Variants in KCNIP4 observed in about 807,000 individuals in gnomAD.
The protein encoded by KCNIP4 is Kv channel-interacting protein 4.
KCNIP4 carries 12 observed loss-of-function variants against 34.0 expected under a neutral mutation model. That is an observed-to-expected ratio of 0.35 (90% confidence interval 0.23 to 0.57). KCNIP4 has a LOEUF of 0.57. Among genes scored for constraint, KCNIP4 ranks in the 20% least tolerant of loss-of-function variants. The pLI, the probability that KCNIP4 is intolerant of heterozygous loss-of-function variation, is 0.83. For synonymous variants in KCNIP4, 124 were observed against 102.2 expected (o/e 1.21, Z -1.29); for missense variants, 238 against 311.7 (o/e 0.76, Z 1.78).
chr4:21,687,368 G>A (rs377364495), intron 1 of KCNIP4, among the ~76,000 whole-genome samples: 12 of 151,622 alleles, frequency 7.9e-5, no homozygotes, highest in African/African-American at 2.7e-4. Flanking sequence ...ACCAACCTGG[G>A]AAAAGATACG....
intron 3 of KCNIP4, among the ~76,000 whole-genome samples, chr4:20,761,385 T>G (rs901948873): frequency 2.6e-5 from 4 of 152,220 alleles, no homozygotes; most frequent in Non-Finnish European, 5.9e-5. Flanking sequence ...CCAAAGGTGG[T>G]ATGTATACAG....
chr4:21,232,794 T>G (rs1378495743), intron 1 of KCNIP4, among the ~76,000 whole-genome samples: 3 of 152,130 alleles, frequency 2.0e-5, no homozygotes, highest in African/African-American at 7.2e-5. Context: ...TTAGCTAAAA[T>G]GCAATATGAT....
In KCNIP4 at chr4:21,940,970, CTTTTA is replaced by C. The variant is rs533526829; in HGVS notation, c.61+7596_61+7600del. Among the ~76,000 whole-genome samples the C allele has an allele frequency of 1.1e-3, 173 of 152,156 alleles. 1 individual carries two copies. Among genetic ancestry groups the C allele is most frequent in the Admixed American group, 3.5e-3 (53 of 15,280 alleles). On this transcript the variant is annotated intron_variant, in intron 1 of 8. Coordinates refer to ENST00000382152, the MANE Select transcript of KCNIP4 (RefSeq NM_025221.6). ...TGCCTTTAGATGTAACTATAAGACA[CTTTTA>C]TTCATGGAGTGAATTACCATATGCA...
chr4:21,437,806 A>C (rs1466752787), intron 1 of KCNIP4, among the ~76,000 whole-genome samples: 2 of 152,020 alleles, frequency 1.3e-5, no homozygotes, highest in Non-Finnish European at 2.9e-5. Flanking sequence ...GTTTTAATTA[A>C]AGCTGCAGTG....
intron 3 of KCNIP4, among the ~76,000 whole-genome samples, chr4:20,823,945 T>C (rs574402324): frequency 6.6e-6 from 1 of 152,280 alleles, no homozygotes; most frequent in East Asian, 1.9e-4. Context: ...GCTAAGAATA[T>C]GGCTTCTGGG....
intron 5 of KCNIP4, among the ~76,000 whole-genome samples, chr4:20,735,790 C>T (rs958175167): frequency 6.6e-6 from 1 of 152,122 alleles, no homozygotes; most frequent in African/African-American, 2.4e-5. Context: ...CCACCGCCGC[C>T]TCTCAAAGTG....
chr4:20,741,409 T>TAA (rs1404556222), intron 5 of KCNIP4, among the ~76,000 whole-genome samples: 3 of 151,258 alleles, frequency 2.0e-5, no homozygotes, highest in Non-Finnish European at 4.4e-5. Context: ...AACTCAAGAT[T>TAA]GAAACTCACT....
chr4:20,984,494 G>T (rs959866690), intron 1 of KCNIP4, among the ~76,000 whole-genome samples: 1 of 152,152 alleles, frequency 6.6e-6, no homozygotes, highest in African/African-American at 2.4e-5. Context: ...AGTTCTGGTG[G>T]CTGGTGCCTA....
chr4:21,734,450 TG>T (rs1425825330), intron 1 of KCNIP4, among the ~76,000 whole-genome samples: 1 of 152,164 alleles, frequency 6.6e-6, no homozygotes, highest in African/African-American at 2.4e-5. Flanking sequence ...CTCACTGAAA[TG>T]GAAAATATAT....
chr4:20,752,051 T>C (rs1753732688), intron 4 of KCNIP4, among the ~76,000 whole-genome samples: 1 of 125,868 alleles, frequency 7.9e-6, no homozygotes, highest in South Asian at 2.6e-4. Context: ...ATGTACTTCA[T>C]AGAGTTTTTT....
chr4:21,731,389 G>A (rs1466380573), intron 1 of KCNIP4, among the ~76,000 whole-genome samples: 1 of 152,132 alleles, frequency 6.6e-6, no homozygotes, highest in East Asian at 1.9e-4. Flanking sequence ...ACGTGATAGA[G>A]GACGGAAGGA....
rs1723433126 is a variant in KCNIP4 at position 21,400,521 on chromosome 4, TTCTC to T, written c.62-517816_62-517813del. 8.2e-5 allele frequency among the ~76,000 whole-genome samples: 3 copies of T among 36,400 alleles called. 1 individual carries two copies. Among genetic ancestry groups the T allele is most frequent in the African/African-American group, 3.2e-4 (3 of 9,488 alleles). The allele number at this position is 36,400 out of a possible 152,430, so 23.9% of individuals were successfully genotyped here. On this transcript the variant is annotated intron_variant, in intron 1 of 8. Transcript: ENST00000382152. ...TCCCTTCCCCTCCCTTCCTCTTCTCTTCTCTTCTCTTCTCTTCTCTTCTCTTCTC... is the reference window on the plus strand; with the variant it reads ...TCCCTTCCCCTCCCTTCCTCTTCTCTTTCTCTTCTCTTCTCTTCTCTTCTC...
At chr4:20,800,521 G>T (rs186666966) in intron 3 of KCNIP4, among the ~76,000 whole-genome samples, 1 of 152,060 alleles carries the variant, frequency 6.6e-6, no homozygotes, top group Non-Finnish European at 1.5e-5. Flanking sequence ...ACACATAGGC[G>T]ATTCAATGAA....
chr4:21,598,010 G>T (rs1054664528), intron 1 of KCNIP4, among the ~76,000 whole-genome samples: 2 of 152,086 alleles, frequency 1.3e-5, no homozygotes, highest in Non-Finnish European at 2.9e-5. Flanking sequence ...AGTTGGGAGG[G>T]TAAATTATTT....
intron 1 of KCNIP4, among the ~76,000 whole-genome samples, chr4:20,987,762 G>A (rs1357331805): frequency 6.6e-6 from 1 of 151,818 alleles, no homozygotes; most frequent in African/African-American, 2.4e-5. Context: ...CATTTTGGGA[G>A]GCCGAGGCAG....
intron 1 of KCNIP4, among the ~76,000 whole-genome samples, chr4:20,890,805 A>G (rs142841076): frequency 6.6e-6 from 1 of 152,180 alleles, no homozygotes; most frequent in South Asian, 2.1e-4. Context: ...CATTTTTACC[A>G]ATTGGAAAGG....
At chr4:21,300,209 A>T (rs964579662) in intron 1 of KCNIP4, among the ~76,000 whole-genome samples, 1 of 152,162 alleles carries the variant, frequency 6.6e-6, no homozygotes, top group Admixed American at 6.5e-5. Context: ...AGATAATGAA[A>T]TTGCTTTGCC....
At chr4:21,722,063 C>A (rs1295459482) in intron 1 of KCNIP4, among the ~76,000 whole-genome samples, 3 of 152,146 alleles carry the variant, frequency 2.0e-5, no homozygotes, top group Non-Finnish European at 2.9e-5. Context: ...AACTTAGACT[C>A]CTTAAGATCA....
chr4:20,733,992 G>T (rs1015121135), intron 6 of KCNIP4, among the ~76,000 whole-genome samples: 1 of 152,134 alleles, frequency 6.6e-6, no homozygotes, highest in African/African-American at 2.4e-5. Flanking sequence ...GGGAAGTCTC[G>T]TGAGGCAAAG....
Sources: gnomAD v4.1 joint callset for allele counts (sites outside exome capture counted in the v4.1 genomes callset) on GRCh38, gnomAD v4.1.1 for gene constraint, MANE v1.5 for transcripts, NCBI Gene and HGNC (gene_info 2026-07-23, HGNC 2026-07-21) for gene names.